Variants in EXT1 observed in about 807,000 individuals in gnomAD.
The protein encoded by EXT1 is exostosin-1.
In EXT1, 20 loss-of-function variants were observed where a neutral mutation model predicts 82.5. The ratio of observed to expected loss-of-function variants is 0.24; its 90% confidence interval spans 0.17 to 0.35. EXT1 has a LOEUF of 0.35. Ranked by LOEUF, EXT1 falls within the 10% of genes least tolerant of loss-of-function variation. EXT1 has a pLI of 1.00. For missense variants in EXT1, 757 were observed against 936.5 expected, an observed-to-expected ratio of 0.81 and a Z score of 2.50; for synonymous variants, 348 against 350.8, an observed-to-expected ratio of 0.99 and a Z score of 0.09.
chr8:117,977,248 G>A (rs947361974), intron 1 of EXT1, among the ~76,000 whole-genome samples: 10 of 152,054 alleles, frequency 6.6e-5, no homozygotes, highest in Non-Finnish European at 1.0e-4. Context: ...TTAGCTGAGC[G>A]TGGTGGCGGA....
At chr8:117,822,443 T>C in intron 5 of EXT1, 22 bp downstream of exon 5, 8 of 1,611,924 alleles carry the variant, frequency 5.0e-6, no homozygotes, top group Non-Finnish European at 6.8e-6. Context: ...CAAGGGCAAC[T>C]CCCTGGAGGA....
chr8:117,999,266 AGATTTT>A (rs1815609500), intron 1 of EXT1, among the ~76,000 whole-genome samples: 1 of 152,206 alleles, frequency 6.6e-6, no homozygotes, highest in South Asian at 2.1e-4. Context: ...TATTTGATTT[AGATTTT>A]AAGAGGGGAT....
chr8:117,860,299 A>G (rs1183780434), intron 1 of EXT1, among the ~76,000 whole-genome samples: 4 of 152,268 alleles, frequency 2.6e-5, no homozygotes, highest in South Asian at 2.1e-4. Flanking sequence ...GAGCTCAACA[A>G]TGGGTACACA....
rs560798644 is a variant in EXT1, at chr8:118,006,498, T to C, written c.962+103587A>G. The stretch of plus-strand genomic sequence containing the variant: ...AGTTTCAACTTACTCATCTGTGAAA[T>C]GCCTATAATACTCTACCTATCTCTA... On this transcript the variant is annotated intron_variant, in intron 1 of 10. Transcript: ENST00000378204. Among the ~76,000 whole-genome samples, 13 of 152,276 alleles carry C rather than the reference T, an allele frequency of 8.5e-5. No homozygotes were observed. The East Asian group carries it at 2.5e-3, about 29-fold the overall frequency.
intron 1 of EXT1, among the ~76,000 whole-genome samples, chr8:117,899,178 A>T (rs1241180918): frequency 1.3e-5 from 2 of 152,256 alleles, no homozygotes; most frequent in Non-Finnish European, 2.9e-5. Flanking sequence ...TTAAATTTAC[A>T]TTATCTGTCT....
chr8:117,800,291 C>T (rs1159254748), intron 10 of EXT1, among the ~76,000 whole-genome samples: 2 of 152,118 alleles, frequency 1.3e-5, no homozygotes, highest in African/African-American at 4.8e-5. Context: ...TTTCTAAATC[C>T]TTCCTGTTTA....
chr8:117,816,689 A>G (rs1811826601), intron 7 of EXT1, among the ~76,000 whole-genome samples: 1 of 152,220 alleles, frequency 6.6e-6, no homozygotes, highest in Non-Finnish European at 1.5e-5. Context: ...TAAAGAAAGA[A>G]ACGGGGAGTT....
intron 1 of EXT1, among the ~76,000 whole-genome samples, chr8:117,942,114 T>C (rs956324739): frequency 6.6e-6 from 1 of 152,208 alleles, no homozygotes; most frequent in Non-Finnish European, 1.5e-5. Flanking sequence ...AATTTTAACA[T>C]GGAGGACCCA....
intron 1 of EXT1, among the ~76,000 whole-genome samples, chr8:117,928,804 G>T (rs1169700062): frequency 1.3e-5 from 2 of 151,710 alleles, no homozygotes; most frequent in Non-Finnish European, 2.9e-5. Context: ...CTACAGAGTA[G>T]GATTTTTTTA....
intron 1 of EXT1, among the ~76,000 whole-genome samples, chr8:117,856,569 G>T (rs542583532): frequency 6.6e-6 from 1 of 150,530 alleles, no homozygotes; most frequent in Non-Finnish European, 1.5e-5. Context: ...CCTGGCCAAG[G>T]CTTTTTCAAT....
rs565053450 is a variant in EXT1, at chr8:117,978,521, A to G, written c.962+131564T>C. 2.7e-5 allele frequency among the ~76,000 whole-genome samples: 4 copies of G among 146,404 alleles called. No individual in the cohort carries two copies. In the South Asian group the frequency reaches 6.3e-4, roughly 23 times the overall value. ...AATTCATAACTTATCTAAATTAATG[A>G]AAAAAAAAAGACTGGGTCATATTTC... is the stretch of plus-strand genomic sequence containing the variant. On this transcript the variant is annotated intron_variant, in intron 1 of 10. Coordinates refer to ENST00000378204, the MANE Select transcript of EXT1 (RefSeq NM_000127.3).
chr8:118,089,796 G>C lies in EXT1; in HGVS notation c.962+20289C>G, dbSNP rs188216682. ...AAATGACAGTAGGAGGTTTTACATA[G>C]GATACGGGAGAGCCAGAGGACAGGA... On this transcript the variant is annotated intron_variant, in intron 1 of 10. Transcript: ENST00000378204. 4.6e-5 allele frequency among the ~76,000 whole-genome samples: 7 copies of C among 152,324 alleles called. No homozygotes were observed. The East Asian group carries it at 1.4e-3, about 29-fold the overall frequency.
At chr8:117,856,302 T>A (rs1812556792) in intron 1 of EXT1, among the ~76,000 whole-genome samples, 1 of 150,642 alleles carries the variant, frequency 6.6e-6, no homozygotes, top group African/African-American at 2.4e-5. Context: ...TTGCCCAGGC[T>A]GGAGTGCAGT....
At chr8:117,957,636 C>A (rs1814616014) in intron 1 of EXT1, among the ~76,000 whole-genome samples, 1 of 152,218 alleles carries the variant, frequency 6.6e-6, no homozygotes, top group African/African-American at 2.4e-5. Context: ...AAGGTTCCCC[C>A]AAGTGCGTTT....
chr8:118,075,522 GTTA>G (rs953525071), intron 1 of EXT1, among the ~76,000 whole-genome samples: 1 of 152,194 alleles, frequency 6.6e-6, no homozygotes, highest in Non-Finnish European at 1.5e-5. Context: ...GGAAGAAAGA[GTTA>G]TTATTTGTAC....
chr8:117,819,574 C>T (rs1385059163), intron 6 of EXT1, 102 bp downstream of exon 6: 6 of 918,116 alleles, frequency 6.5e-6, no homozygotes, highest in Non-Finnish European at 1.1e-5. Flanking sequence ...TTAGAGAAGT[C>T]CCGGGGAGCC....
chr8:118,028,849 G>A (rs1816248980), intron 1 of EXT1, among the ~76,000 whole-genome samples: 1 of 152,074 alleles, frequency 6.6e-6, no homozygotes, highest in Admixed American at 6.5e-5. Flanking sequence ...TTGAACCTGG[G>A]AGGCAGAAGC....
intron 1 of EXT1, among the ~76,000 whole-genome samples, chr8:117,914,642 G>A (rs1041884143): frequency 6.6e-6 from 1 of 152,120 alleles, no homozygotes; most frequent in Non-Finnish European, 1.5e-5. Flanking sequence ...CTCTGGGAAT[G>A]TCTATCTTAT....
At chr8:117,980,568 T>C (rs1053480258) in intron 1 of EXT1, among the ~76,000 whole-genome samples, 2 of 152,204 alleles carry the variant, frequency 1.3e-5, no homozygotes, top group East Asian at 1.9e-4. Context: ...ACTTAATATA[T>C]GGAAATCCCA....
Sources: allele counts gnomAD v4.1 joint callset (sites outside exome capture counted in the v4.1 genomes callset), GRCh38; gene constraint gnomAD v4.1.1; transcripts MANE v1.5; gene names NCBI Gene and HGNC (gene_info 2026-07-23, HGNC 2026-07-21).